PPT1: variants seen among roughly 807,000 people sequenced by gnomAD.
PPT1 encodes palmitoyl-protein thioesterase 1.
Under a neutral mutation model 44.0 loss-of-function variants are expected in PPT1, and 24 were observed. That is an observed-to-expected ratio of 0.54 (90% CI 0.39 to 0.77). The LOEUF (loss-of-function observed/expected upper bound fraction) is 0.77, where lower values mean the gene tolerates loss of function less well. Among genes scored for constraint, PPT1 ranks in the 30% least tolerant of loss-of-function variants. The pLI, the probability that PPT1 is intolerant of heterozygous loss-of-function variation, is 0.00. For synonymous variants in PPT1, 148 were observed against 140.2 expected (o/e 1.06, Z -0.39); for missense variants, 341 against 378.8 (o/e 0.90, Z 0.83).
At chr1:40,084,111 C>T (rs1570461187) in intron 5 of PPT1, among the ~76,000 whole-genome samples, 1 of 152,022 alleles carries the variant, frequency 6.6e-6, no homozygotes, top group African/African-American at 2.4e-5. Flanking sequence ...TCAGTATTAT[C>T]AGGAATTTAA....
At chr1:40,084,787 C>A (rs989471723) in intron 5 of PPT1, among the ~76,000 whole-genome samples, 1 of 152,196 alleles carries the variant, frequency 6.6e-6, no homozygotes, top group Admixed American at 6.5e-5. Context: ...AAAAGCCAGG[C>A]CATACAGAGA....
At position 40,091,378 on chromosome 1, in the gene PPT1, G is replaced by A. The variant is rs1014940109; in HGVS notation, c.384C>T (p.Cys128=). The change falls in exon 4 of 9, where the codon TGC becomes TGT. Residue 128 remains cysteine, a synonymous_variant. Coordinates refer to ENST00000642050, the MANE Select transcript of PPT1 (RefSeq NM_000310.4). ...GQFLRAVAQR[C]PSPPMINLIS... ...TCAGATTGATCATGGGAGGTGAAGG[G>A]CATCTCTGAGCCACTGCCCTCCTAC... 6.2e-7 allele frequency: 1 copy of A among 1,613,916 alleles called. No homozygotes were observed. Among genetic ancestry groups the A allele is most frequent in the Admixed American group, 1.7e-5 (1 of 59,990 alleles).
chr1:40,093,820 G>A (rs1649699643), intron 1 of PPT1: 2 of 488,260 alleles, frequency 4.1e-6, no homozygotes, highest in South Asian at 3.5e-5. Context: ...AAAGGTGGAG[G>A]TTTCAGTGAG....
intron 5 of PPT1, among the ~76,000 whole-genome samples, chr1:40,088,087 T>G (rs1377132617): frequency 6.6e-6 from 1 of 152,168 alleles, no homozygotes; most frequent in East Asian, 1.9e-4. Flanking sequence ...CCACAGGATA[T>G]TAGTTGATCC....
intron 5 of PPT1, among the ~76,000 whole-genome samples, chr1:40,087,998 G>A (rs541913110): frequency 7.2e-5 from 11 of 152,292 alleles, no homozygotes; most frequent in African/African-American, 2.6e-4. Flanking sequence ...CAGTCACAAG[G>A]CTGTATCTTG....
chr1:40,085,786 G>A (rs1025764156), intron 5 of PPT1, among the ~76,000 whole-genome samples: 3 of 152,104 alleles, frequency 2.0e-5, no homozygotes, highest in Admixed American at 6.5e-5. Context: ...TTTTATATGC[G>A]CTGGGAAACC....
intron 1 of PPT1, 67 bp from the exon 2 acceptor site, chr1:40,092,574 A>G: frequency 7.9e-7 from 1 of 1,260,022 alleles, no homozygotes; most frequent in Non-Finnish European, 1.2e-6. Context: ...AAAAACTCTG[A>G]GGCCTCAAAC....
chr1:40,092,661 A>G (rs1390628048), intron 1 of PPT1, among the ~76,000 whole-genome samples, 154 bp from the exon 2 acceptor site: 1 of 152,150 alleles, frequency 6.6e-6, no homozygotes, highest in African/African-American at 2.4e-5. Context: ...TAAGGGCTTA[A>G]TATCCAGAAT....
intron 3 of PPT1, 117 bp downstream of exon 3, chr1:40,091,928 G>T: frequency 7.5e-7 from 1 of 1,329,762 alleles, no homozygotes; most frequent in Non-Finnish European, 1.0e-6. Context: ...GAACATTTTA[G>T]GAAATTTCCC....
intron 5 of PPT1, among the ~76,000 whole-genome samples, chr1:40,089,034 C>T (rs537995586): frequency 6.6e-6 from 1 of 152,186 alleles, no homozygotes; most frequent in Non-Finnish European, 1.5e-5. Flanking sequence ...CGCCTGTAAT[C>T]CCAGCACTTT....
chr1:40,080,623 C>G, intron 5 of PPT1, 136 bp from the exon 6 acceptor site: 1 of 790,818 alleles, frequency 1.3e-6, no homozygotes. Flanking sequence ...CACCTGTAAT[C>G]CCAGCACTTT....
intron 8 of PPT1, among the ~76,000 whole-genome samples, chr1:40,076,142 C>T (rs140602382): frequency 9.3e-4 from 142 of 152,100 alleles, no homozygotes; most frequent in Non-Finnish European, 1.7e-3. Context: ...AATTTAGAAA[C>T]AGGATTTCAC....
At chr1:40,078,726 C>A in intron 6 of PPT1, 68 bp from the exon 7 acceptor site, 1 of 1,348,420 alleles carries the variant, frequency 7.4e-7, no homozygotes, top group South Asian at 1.2e-5. Context: ...TAAAGCCTTC[C>A]TGTTTTCTGG....
chr1:40,087,826 C>T (rs1649345296), intron 5 of PPT1, among the ~76,000 whole-genome samples: 1 of 151,852 alleles, frequency 6.6e-6, no homozygotes, highest in South Asian at 2.1e-4. Context: ...CTTGGTGTAG[C>T]CTGAGGGTAA....
intron 4 of PPT1, among the ~76,000 whole-genome samples, chr1:40,090,220 G>T (rs1238882781): frequency 6.6e-6 from 1 of 152,024 alleles, no homozygotes; most frequent in Admixed American, 6.6e-5. Context: ...CACAATTACA[G>T]CACACCACAG....
chr1:40,092,199 G>A (rs377281635), intron 2 of PPT1, 27 bp from the exon 3 acceptor site: 71 of 1,613,912 alleles, frequency 4.4e-5, no homozygotes, highest in Non-Finnish European at 5.6e-5. Context: ...AGAGAAGTGA[G>A]AGGATGGGAC....
At chr1:40,076,511 G>T in intron 8 of PPT1, 2 of 783,054 alleles carry the variant, frequency 2.6e-6, no homozygotes, top group Non-Finnish European at 3.1e-6. Flanking sequence ...AGGCTTCCTG[G>T]ATTTGTAGCA....
rs368895182 is a variant in PPT1, at chr1:40,080,388, G to A, written c.627+9C>T. 1.6e-5 allele frequency: 26 copies of A among 1,612,634 alleles called. No individual in the cohort carries two copies. The African/African-American group carries it at 3.5e-4, about 22-fold the overall frequency. On this transcript the variant is annotated intron_variant, in intron 6 of 8. Transcript: ENST00000642050. ...CGCACATCTATGGGAGCCCGGTTTG[G>A]GTGCTTACCCGCTCCTGATTTATAT...
chr1:40,076,767 C>T, intron 8 of PPT1, 75 bp downstream of exon 8: 1 of 1,610,296 alleles, frequency 6.2e-7, no homozygotes, highest in Non-Finnish European at 8.5e-7. Context: ...GCTCCAGCAC[C>T]AAAGAACATA....
Sources: allele counts gnomAD v4.1 joint callset (sites outside exome capture counted in the v4.1 genomes callset), GRCh38; gene constraint gnomAD v4.1.1; transcripts MANE v1.5; gene names NCBI Gene and HGNC (gene_info 2026-07-23, HGNC 2026-07-21).